Variants in STXBP5L observed in about 807,000 individuals in gnomAD.
STXBP5L encodes the protein syntaxin-binding protein 5-like.
STXBP5L carries 65 observed loss-of-function variants against 144.5 expected under a neutral mutation model. The ratio of observed to expected loss-of-function variants is 0.45; its 90% CI spans 0.37 to 0.55. The LOEUF is 0.55. STXBP5L is among the 20% of genes least tolerant of loss of function. STXBP5L has a pLI of 0.00. For synonymous variants in STXBP5L, 505 were observed against 469.6 expected (o/e 1.08, Z -0.97); for missense variants, 1,298 against 1,405.5 (o/e 0.92, Z 1.22).
chr3:121,157,024 T>TA (rs1025817587), intron 8 of STXBP5L, among the ~76,000 whole-genome samples: 1 of 152,044 alleles, frequency 6.6e-6, no homozygotes, highest in African/African-American at 2.4e-5. Flanking sequence ...CCTGAAAATA[T>TA]AAAAGAAAAT....
chr3:121,340,051 A>T (rs562451018), intron 20 of STXBP5L, among the ~76,000 whole-genome samples: 1 of 152,278 alleles, frequency 6.6e-6, no homozygotes, highest in East Asian at 1.9e-4. Context: ...TTAGAAAAAA[A>T]ATCCAAAAAT....
intron 9 of STXBP5L, among the ~76,000 whole-genome samples, chr3:121,159,368 A>G (rs962871455): frequency 1.3e-5 from 2 of 151,970 alleles, no homozygotes; most frequent in Admixed American, 6.6e-5. Flanking sequence ...GGGTCTTACT[A>G]TGTTGCCCAG....
chr3:121,371,533 C>T (rs1221948878), intron 20 of STXBP5L, among the ~76,000 whole-genome samples: 7 of 151,838 alleles, frequency 4.6e-5, no homozygotes, highest in Non-Finnish European at 1.0e-4. Context: ...AGTGTAGACT[C>T]TCATTGGCTG....
chr3:121,053,703 A>G (rs1420324568), intron 5 of STXBP5L, among the ~76,000 whole-genome samples: 1 of 152,254 alleles, frequency 6.6e-6, no homozygotes, highest in African/African-American at 2.4e-5. Context: ...CTAAAGCACC[A>G]AAAGCAATGA....
intron 9 of STXBP5L, among the ~76,000 whole-genome samples, chr3:121,189,031 A>T (rs1355574979): frequency 6.6e-6 from 1 of 152,218 alleles, no homozygotes; most frequent in Non-Finnish European, 1.5e-5. Flanking sequence ...CCCAGTTTGC[A>T]GATGACATGA....
intron 22 of STXBP5L, among the ~76,000 whole-genome samples, chr3:121,405,440 A>G (rs1576365250): frequency 1.3e-5 from 2 of 152,064 alleles, no homozygotes; most frequent in South Asian, 2.1e-4. Context: ...ATTCACCACT[A>G]TATTGACTAT....
chr3:121,386,566 C>G (rs185538947), intron 22 of STXBP5L, among the ~76,000 whole-genome samples: 8 of 152,168 alleles, frequency 5.3e-5, no homozygotes, highest in Admixed American at 5.2e-4. Flanking sequence ...CCCCACCCCC[C>G]GACAGGTCCC....
At chr3:121,308,215 A>G (rs1011987948) in intron 19 of STXBP5L, among the ~76,000 whole-genome samples, 2 of 152,220 alleles carry the variant, frequency 1.3e-5, no homozygotes, top group East Asian at 1.9e-4. Flanking sequence ...ACGTTTACCT[A>G]TGTAAGAAAC....
chr3:121,159,540 T>A (rs192346621), intron 9 of STXBP5L, among the ~76,000 whole-genome samples: 1 of 151,966 alleles, frequency 6.6e-6, no homozygotes, highest in Admixed American at 6.6e-5. Flanking sequence ...TAACTAGTTC[T>A]ACAAAATCTA....
intron 20 of STXBP5L, among the ~76,000 whole-genome samples, chr3:121,349,639 C>A (rs1232396365): frequency 6.6e-6 from 1 of 151,764 alleles, no homozygotes; most frequent in African/African-American, 2.4e-5. Flanking sequence ...ATCTGGGTAC[C>A]CCTGTATTGG....
chr3:121,284,281 G>A (rs1024265385), intron 19 of STXBP5L, among the ~76,000 whole-genome samples: 18 of 151,258 alleles, frequency 1.2e-4, no homozygotes, highest in African/African-American at 3.9e-4. Context: ...CCAAATTTTT[G>A]TATCTTACTA....
chr3:120,935,896 T>C (rs1158441639), intron 2 of STXBP5L, among the ~76,000 whole-genome samples: 1 of 152,144 alleles, frequency 6.6e-6, no homozygotes, highest in Non-Finnish European at 1.5e-5. Context: ...CCTAGAATTA[T>C]GGTTTGGTGT....
intron 3 of STXBP5L, among the ~76,000 whole-genome samples, chr3:120,994,944 T>A (rs1390664605): frequency 6.6e-6 from 1 of 152,142 alleles, no homozygotes; most frequent in Non-Finnish European, 1.5e-5. Flanking sequence ...ACTGATTCAA[T>A]CTTGTTATCC....
chr3:120,933,390 C>T (rs1226046702), intron 2 of STXBP5L, among the ~76,000 whole-genome samples: 1 of 151,914 alleles, frequency 6.6e-6, no homozygotes, highest in East Asian at 1.9e-4. Flanking sequence ...TGCAAACATT[C>T]TATACTGATG....
At chr3:120,935,709 A>AT (rs746207192) in intron 2 of STXBP5L, among the ~76,000 whole-genome samples, 1 of 151,982 alleles carries the variant, frequency 6.6e-6, no homozygotes, top group East Asian at 1.9e-4. Flanking sequence ...TATGGTTTGC[A>AT]TTGTTCCTGA....
At chr3:121,377,515 G>T (rs936588206) in intron 20 of STXBP5L, among the ~76,000 whole-genome samples, 1 of 152,132 alleles carries the variant, frequency 6.6e-6, no homozygotes, top group Non-Finnish European at 1.5e-5. Context: ...ATCAAAAAGT[G>T]GGCAAAGCTG....
At chr3:121,052,168 A>G (rs1021145701) in intron 5 of STXBP5L, among the ~76,000 whole-genome samples, 2 of 152,222 alleles carry the variant, frequency 1.3e-5, no homozygotes, top group East Asian at 1.9e-4. Context: ...AGGAGCTGGT[A>G]CCATTCCTTC....
intron 16 of STXBP5L, 50 bp downstream of exon 16, chr3:121,255,162 CTAT>C: frequency 7.1e-7 from 1 of 1,401,738 alleles, no homozygotes; most frequent in Non-Finnish European, 9.6e-7. Context: ...TAAAAGAAAG[CTAT>C]TATCATAGAT....
rs143847263 is a variant in STXBP5L at position 120,957,764 on chromosome 3, T to C, written c.287+2727T>C. ...TCTGGGACACATTTAAAGCAGTGTG[T>C]AGAGGGAAATTTATAGCACTAAATG... On this transcript the variant is annotated intron_variant, in intron 3 of 26. Transcript: ENST00000471454. Among the ~76,000 whole-genome samples the C allele has an allele frequency of 3.3e-5, 5 of 151,950 alleles. No individual in the cohort carries two copies. The East Asian group carries it at 9.7e-4, about 29-fold the overall frequency.
Sources: gnomAD v4.1 joint callset for allele counts (sites outside exome capture counted in the v4.1 genomes callset) on GRCh38, gnomAD v4.1.1 for gene constraint, MANE v1.5 for transcripts, NCBI Gene and HGNC (gene_info 2026-07-23, HGNC 2026-07-21) for gene names.